Variants in DROSHA observed in about 807,000 individuals in gnomAD.
DROSHA encodes the protein ribonuclease 3.
In DROSHA, 56 loss-of-function variants were observed where a neutral mutation model predicts 181.9. The observed-to-expected ratio is 0.31, with a 90% CI of 0.25 to 0.38. The LOEUF is 0.38. Among genes scored for constraint, DROSHA ranks in the 10% least tolerant of loss-of-function variants. DROSHA has a pLI of 1.00. For missense variants in DROSHA, 1,218 were observed against 1,743.5 expected, an observed-to-expected ratio of 0.70 and a Z score of 5.37; for synonymous variants, 524 against 591.2, an observed-to-expected ratio of 0.89 and a Z score of 1.65.
chr5:31,446,281 C>T (rs1434855973), intron 23 of DROSHA, among the ~76,000 whole-genome samples: 2 of 151,032 alleles, frequency 1.3e-5, no homozygotes, highest in Non-Finnish European at 2.9e-5. Context: ...CCTGTCTCTA[C>T]TAAAAATACA....
In DROSHA at chr5:31,486,478, T is replaced by G. The variant is rs1283186536; in HGVS notation, c.1914+13A>C. On this transcript the variant is annotated intron_variant, in intron 14 of 35. Coordinates refer to ENST00000344624, the MANE Select transcript of DROSHA (RefSeq NM_001382508.1). ...GCAAACTACATCAAACCACACACAA[T>G]CTTTTCCCTTACCTCCGGCATCATC... 1.2e-6 allele frequency: 2 copies of G among 1,612,866 alleles called. No homozygotes were observed.
intron 20 of DROSHA, among the ~76,000 whole-genome samples, chr5:31,461,417 C>T (rs1265505060): frequency 1.3e-5 from 2 of 152,164 alleles, no homozygotes; most frequent in African/African-American, 4.8e-5. Flanking sequence ...AAGTTCTCTA[C>T]TTGTCAAAGA....
At chr5:31,486,800 T>C in intron 13 of DROSHA, 1 of 383,314 alleles carries the variant, frequency 2.6e-6, no homozygotes. Context: ...TTAACAGTAT[T>C]AGCAGCAGCA....
At chr5:31,521,863 A>G (rs1299905097) in intron 5 of DROSHA, among the ~76,000 whole-genome samples, 2 of 152,196 alleles carry the variant, frequency 1.3e-5, no homozygotes, top group East Asian at 3.8e-4. Flanking sequence ...TAATAATATT[A>G]ATAGCTTTTG....
At chr5:31,429,377 G>A (rs369368343) in intron 27 of DROSHA, 98 bp downstream of exon 27, 6 of 1,144,984 alleles carry the variant, frequency 5.2e-6, no homozygotes, top group Middle Eastern at 2.6e-4. Flanking sequence ...TGACTATTTT[G>A]TTTCTCCTAT....
At chr5:31,450,609 A>C (rs1378903939) in intron 21 of DROSHA, among the ~76,000 whole-genome samples, 1 of 152,142 alleles carries the variant, frequency 6.6e-6, no homozygotes, top group African/African-American at 2.4e-5. Context: ...ATTCTCACTC[A>C]CAAGTGGAAG....
intron 8 of DROSHA, among the ~76,000 whole-genome samples, chr5:31,511,906 C>T (rs370114926): frequency 8.3e-6 from 1 of 120,688 alleles, no homozygotes; most frequent in Non-Finnish European, 1.9e-5. Flanking sequence ...CCTATATATC[C>T]CCTCTCTCTC....
intron 26 of DROSHA, among the ~76,000 whole-genome samples, chr5:31,430,775 T>C (rs9292427): frequency 0.44 from 67,569 of 152,034 alleles, 16,007 homozygotes; most frequent in Non-Finnish European, 0.54. Context: ...TTATTAAACA[T>C]TCTCTTCCCA....
intron 16 of DROSHA, among the ~76,000 whole-genome samples, chr5:31,480,782 T>C (rs899905306): frequency 2.6e-5 from 4 of 152,182 alleles, no homozygotes; most frequent in Admixed American, 2.6e-4. Flanking sequence ...GCACTAGTGA[T>C]ACAACAAGAC....
At chr5:31,464,621 A>G (rs1007387933) in intron 19 of DROSHA, among the ~76,000 whole-genome samples, 7 of 150,546 alleles carry the variant, frequency 4.6e-5, no homozygotes, top group Non-Finnish European at 1.0e-4. Context: ...ATGCCCTTTC[A>G]TTGATAAAGG....
chr5:31,433,936 C>T (rs1403895741), intron 25 of DROSHA, among the ~76,000 whole-genome samples: 2 of 152,222 alleles, frequency 1.3e-5, no homozygotes, highest in Non-Finnish European at 2.9e-5. Flanking sequence ...TGACCTAGAG[C>T]TTTCATTAGA....
intron 16 of DROSHA, among the ~76,000 whole-genome samples, chr5:31,474,313 T>C (rs1750111603): frequency 6.6e-6 from 1 of 152,126 alleles, no homozygotes; most frequent in African/African-American, 2.4e-5. Context: ...ACTTCCATAG[T>C]GTTATGGACT....
intron 4 of DROSHA, among the ~76,000 whole-genome samples, chr5:31,527,266 T>A (rs2150064811): frequency 6.6e-6 from 1 of 152,240 alleles, no homozygotes; most frequent in African/African-American, 2.4e-5. Context: ...CCTCACAAGA[T>A]CAAGGGGGCT....
At chr5:31,469,360 A>T (rs879682051) in intron 17 of DROSHA, among the ~76,000 whole-genome samples, 1 of 152,114 alleles carries the variant, frequency 6.6e-6, no homozygotes, top group Non-Finnish European at 1.5e-5. Flanking sequence ...CTGTCTCAAA[A>T]AACAAAACAA....
intron 22 of DROSHA, 95 bp from the exon 23 acceptor site, chr5:31,448,702 G>A (rs1746594191): frequency 3.3e-6 from 3 of 922,614 alleles, no homozygotes; most frequent in Non-Finnish European, 5.0e-6. Context: ...TCATCTCAAT[G>A]TGATTTTAAA....
At position 31,515,463 on chromosome 5, in the gene DROSHA, A is replaced by G. The variant is rs1739172321; in HGVS notation, c.1049T>C (p.Ile350Thr). ...NTDSWAPPLE[I>T]VNHRSPSREK... ...CCCCAGATCTACTTACTGATTCACA[A>G]TCTCCAGGGGTGGGGCCCAAGAATC... is the stretch of plus-strand genomic sequence containing the variant. The change falls in exon 7 of 36, where the codon ATT becomes ACT. Residue 350 changes from isoleucine to threonine, a missense_variant. By Grantham distance (89) the Ile-to-Thr change is moderately conservative (BLOSUM62 -1). Around this residue, in one of 8 missense-constraint regions of DROSHA, gnomAD observed 536 missense variants for 535.4 expected, o/e 1.00. Coordinates refer to ENST00000344624, the MANE Select transcript of DROSHA (RefSeq NM_001382508.1). The G allele has an allele frequency of 5.2e-6, 7 of 1,345,596 alleles. No individual in the cohort carries two copies. The highest frequency in any genetic ancestry group is 7.3e-6 in the Non-Finnish European group (7 of 958,546). 83.4% of individuals were successfully genotyped at this position (1,345,596 alleles called of 1,614,324 possible).
chr5:31,512,342 G>A (rs911512772), intron 8 of DROSHA, among the ~76,000 whole-genome samples: 3 of 152,096 alleles, frequency 2.0e-5, no homozygotes, highest in African/African-American at 7.2e-5. Flanking sequence ...CTCCTACACT[G>A]GAGTTTTAAT....
At chr5:31,421,529 C>T (rs557947773) in intron 29 of DROSHA, among the ~76,000 whole-genome samples, 152 bp from the exon 30 acceptor site, 64 of 152,042 alleles carry the variant, frequency 4.2e-4, no homozygotes, top group African/African-American at 1.5e-3. Flanking sequence ...TAAGGCCCCT[C>T]GATTGAGAAG....
intron 12 of DROSHA, among the ~76,000 whole-genome samples, chr5:31,494,915 C>T (rs1326395016): frequency 6.6e-6 from 1 of 152,096 alleles, no homozygotes; most frequent in Non-Finnish European, 1.5e-5. Context: ...ACCTTGTGAT[C>T]TGCCCACCTC....
Sources: allele counts gnomAD v4.1 joint callset (sites outside exome capture counted in the v4.1 genomes callset), GRCh38; gene constraint gnomAD v4.1.1; regional missense constraint gnomAD v4.1.1; transcripts MANE v1.5; gene names NCBI Gene and HGNC (gene_info 2026-07-23, HGNC 2026-07-21).